LDLRAD3: variants seen among roughly 807,000 people sequenced by gnomAD.
LDLRAD3 encodes low-density lipoprotein receptor class A domain-containing protein 3.
LDLRAD3 carries 20 observed loss-of-function variants against 29.4 expected under a neutral mutation model. The ratio of observed to expected loss-of-function variants is 0.68; its 90% CI spans 0.48 to 0.99. The LOEUF (loss-of-function observed/expected upper bound fraction) is 0.99. Ranked by LOEUF, LDLRAD3 falls within the 50% of genes least tolerant of loss-of-function variation. LDLRAD3 has a pLI of 0.00. For missense variants in LDLRAD3, 420 were observed against 454.3 expected (o/e 0.92, Z 0.69); for synonymous variants, 157 against 192.7 (o/e 0.81, Z 1.53).
chr11:36,101,812 C>A, intron 4 of LDLRAD3: 1 of 271,266 alleles, frequency 3.7e-6, no homozygotes, highest in Non-Finnish European at 7.3e-6. Flanking sequence ...CAGTATTTTC[C>A]TGAAGAATCT....
intron 1 of LDLRAD3, among the ~76,000 whole-genome samples, chr11:36,029,158 T>G (rs1852203939): frequency 6.6e-6 from 1 of 152,074 alleles, no homozygotes; most frequent in Non-Finnish European, 1.5e-5. Flanking sequence ...GACAGAAGAA[T>G]CGCTTGAACC....
At chr11:36,077,776 C>T (rs961449323) in intron 2 of LDLRAD3, among the ~76,000 whole-genome samples, 1 of 152,172 alleles carries the variant, frequency 6.6e-6, no homozygotes, top group East Asian at 1.9e-4. Flanking sequence ...GTCTGGGCTC[C>T]CCAAAGGGCC....
chr11:36,081,872 C>A, intron 3 of LDLRAD3, 94 bp downstream of exon 3: 1 of 1,428,408 alleles, frequency 7.0e-7, no homozygotes, highest in Non-Finnish European at 9.6e-7. Context: ...GCTTCTTATA[C>A]CTAGAGGCTC....
At chr11:36,026,898 A>G (rs1024749711) in intron 1 of LDLRAD3, among the ~76,000 whole-genome samples, 4 of 152,240 alleles carry the variant, frequency 2.6e-5, no homozygotes, top group Non-Finnish European at 5.9e-5. Context: ...AAATAACCAT[A>G]AAAATGAGCA....
Position 36,097,585 on chromosome 11 carries a change from ACAGAGAC to A in LDLRAD3, c.320-734_320-728del, listed in dbSNP as rs760958437. ...GGGGTGGAGAGTGGCAAAATAGATA[ACAGAGAC>A]CAGAGACTTGGAAGGGTGAGTAGGG... On this transcript the variant is annotated intron_variant, in intron 3 of 5. Coordinates refer to ENST00000315571, the MANE Select transcript of LDLRAD3 (RefSeq NM_174902.4). 1.3e-4 allele frequency among the ~76,000 whole-genome samples: 20 copies of A among 152,288 alleles called. 1 individual carries two copies. In the South Asian group the frequency reaches 3.5e-3, roughly 27 times the overall value.
chr11:36,213,705 G>T lies in LDLRAD3; in HGVS notation c.455-13380G>T, dbSNP rs1257794717. Among the ~76,000 whole-genome samples, 1 of 152,180 alleles carries T rather than the reference G, an allele frequency of 6.6e-6. No individual in the cohort carries two copies. Among genetic ancestry groups the T allele is most frequent in the African/African-American group, 2.4e-5 (1 of 41,450 alleles). On this transcript the variant is annotated intron_variant, in intron 4 of 5. Coordinates refer to ENST00000315571, the MANE Select transcript of LDLRAD3 (RefSeq NM_174902.4). The surrounding 1 kb of genome is among the most constrained non-coding windows in gnomAD (Gnocchi z 4.1). ...GCCTGCTCCCCGCACCTGAGCACAG[G>T]GCCCAGCCAGGATCTGGGCTCTCCA...
At chr11:35,985,150 C>T (rs1590705725) in intron 1 of LDLRAD3, among the ~76,000 whole-genome samples, 1 of 152,152 alleles carries the variant, frequency 6.6e-6, no homozygotes, top group East Asian at 1.9e-4. Context: ...AGGCTGATCT[C>T]GAACTCCTGG....
intron 2 of LDLRAD3, among the ~76,000 whole-genome samples, chr11:36,064,231 AT>A (rs1340514285): frequency 6.6e-6 from 1 of 152,198 alleles, no homozygotes; most frequent in African/African-American, 2.4e-5. Flanking sequence ...GTGTATACAA[AT>A]ACAATTGATT....
At chr11:36,063,795 G>C (rs1176801639) in intron 2 of LDLRAD3, among the ~76,000 whole-genome samples, 1 of 152,216 alleles carries the variant, frequency 6.6e-6, no homozygotes, top group Admixed American at 6.5e-5. Context: ...AATAACCACA[G>C]TGTCTTAATT....
At chr11:36,192,363 G>A (rs1166680200) in intron 4 of LDLRAD3, among the ~76,000 whole-genome samples, 1 of 152,230 alleles carries the variant, frequency 6.6e-6, no homozygotes, top group South Asian at 2.1e-4. Flanking sequence ...CCACCTTAAT[G>A]ATGGAAGCAC....
chr11:36,192,930 C>T (rs1302613312), intron 4 of LDLRAD3, among the ~76,000 whole-genome samples: 2 of 152,204 alleles, frequency 1.3e-5, no homozygotes, highest in African/African-American at 2.4e-5. Context: ...TTGCTACTTA[C>T]TAGCTGGGTG....
At chr11:36,037,738 C>T (rs1852322900) in intron 2 of LDLRAD3, among the ~76,000 whole-genome samples, 1 of 152,194 alleles carries the variant, frequency 6.6e-6, no homozygotes, top group Admixed American at 6.5e-5. Flanking sequence ...GAAACTGGTC[C>T]TTCGCCCATC....
intron 4 of LDLRAD3, among the ~76,000 whole-genome samples, chr11:36,156,094 A>G (rs1289056562): frequency 1.3e-5 from 2 of 152,208 alleles, no homozygotes; most frequent in African/African-American, 4.8e-5. Context: ...GACTCTGCTG[A>G]TTCGAGGTAG....
At chr11:36,082,932 T>C (rs1853137780) in intron 3 of LDLRAD3, among the ~76,000 whole-genome samples, 1 of 152,246 alleles carries the variant, frequency 6.6e-6, no homozygotes, top group South Asian at 2.1e-4. Context: ...TTCCTCAAAA[T>C]GTTTAGACTA....
At chr11:36,188,092 A>G (rs1390574354) in intron 4 of LDLRAD3, among the ~76,000 whole-genome samples, 1 of 152,092 alleles carries the variant, frequency 6.6e-6, no homozygotes, top group South Asian at 2.1e-4. Flanking sequence ...TTTTCTTACT[A>G]TTGACCCAGC....
intron 1 of LDLRAD3, among the ~76,000 whole-genome samples, chr11:36,024,012 A>G (rs1852130937): frequency 1.3e-5 from 2 of 152,198 alleles, no homozygotes; most frequent in African/African-American, 4.8e-5. Context: ...CTGTGTCCTT[A>G]AAACCTGGTG....
At chr11:36,157,282 A>T (rs1365224967) in intron 4 of LDLRAD3, among the ~76,000 whole-genome samples, 1 of 152,118 alleles carries the variant, frequency 6.6e-6, no homozygotes, top group African/African-American at 2.4e-5. Context: ...TTTCCTGCTT[A>T]GTGCAGGATG....
intron 4 of LDLRAD3, among the ~76,000 whole-genome samples, chr11:36,189,728 C>A (rs1233994865): frequency 1.3e-5 from 2 of 152,088 alleles, no homozygotes; most frequent in Admixed American, 6.5e-5. Context: ...TCCCTCCCCC[C>A]TTCCCCCACC....
At chr11:36,070,211 C>A (rs889306337) in intron 2 of LDLRAD3, among the ~76,000 whole-genome samples, 7 of 152,212 alleles carry the variant, frequency 4.6e-5, no homozygotes, top group Non-Finnish European at 7.3e-5. Flanking sequence ...CAAACAGGGG[C>A]AGATTCTTTA....
Sources: allele counts gnomAD v4.1 joint callset (sites outside exome capture counted in the v4.1 genomes callset), GRCh38; gene constraint gnomAD v4.1.1; non-coding constraint Gnocchi (gnomAD v3.1); transcripts MANE v1.5; gene names NCBI Gene and HGNC (gene_info 2026-07-23, HGNC 2026-07-21).